PIK3C2G: variants seen among roughly 807,000 people sequenced by gnomAD.
The protein encoded by PIK3C2G is phosphatidylinositol-4-phosphate 3-kinase catalytic subunit type 2 gamma, also known as phosphatidylinositol 3-kinase C2 domain-containing subunit gamma.
PIK3C2G carries 168 observed loss-of-function variants against 181.1 expected under a neutral mutation model. That is an observed-to-expected ratio of 0.93 (90% CI 0.82 to 1.05). PIK3C2G has a LOEUF of 1.05. Among genes scored for constraint, PIK3C2G ranks in the 50% least tolerant of loss-of-function variants. The probability of loss-of-function intolerance (pLI) is 0.00; values close to 1 mark genes in which losing one functional copy is unlikely to be tolerated. For synonymous variants in PIK3C2G, 573 were observed against 592.2 expected (o/e 0.97, Z 0.47); for missense variants, 1,869 against 1,732.8 (o/e 1.08, Z -1.40).
the PIK3C2G span, among the ~76,000 whole-genome samples, chr12:18,684,943 C>T: frequency 6.6e-6 from 1 of 151,924 alleles, no homozygotes. Context: ...CCTGCTGCCA[C>T]ATGAAAAGGT....
the PIK3C2G span, among the ~76,000 whole-genome samples, chr12:18,676,432 C>A: frequency 6.6e-6 from 1 of 152,062 alleles, no homozygotes; most frequent in Non-Finnish European, 1.5e-5. Flanking sequence ...TACATTGACC[C>A]CTTGCTTCTT....
intron 1 of PIK3C2G, among the ~76,000 whole-genome samples, chr12:18,281,632 T>C (rs1949222453): frequency 6.6e-6 from 1 of 152,018 alleles, no homozygotes; most frequent in African/African-American, 2.4e-5. Context: ...GAAGAGACTG[T>C]TTAGCTAATA....
intron 18 of PIK3C2G, among the ~76,000 whole-genome samples, chr12:18,428,647 T>C (rs1218272581): frequency 1.3e-5 from 2 of 152,210 alleles, no homozygotes; most frequent in African/African-American, 2.4e-5. Flanking sequence ...CCATCTTGAC[T>C]ACTTGGCATC....
intron 18 of PIK3C2G, among the ~76,000 whole-genome samples, chr12:18,443,732 T>C (rs1178498672): frequency 2.0e-5 from 3 of 152,196 alleles, no homozygotes; most frequent in African/African-American, 7.2e-5. Context: ...TAAATCAAAA[T>C]GAGTAAATAC....
intron 30 of PIK3C2G, among the ~76,000 whole-genome samples, chr12:18,602,087 G>A (rs1337075464): frequency 6.6e-6 from 1 of 152,132 alleles, no homozygotes; most frequent in Admixed American, 6.5e-5. Context: ...TTCACAGGTA[G>A]GGGAAGAACT....
intron 16 of PIK3C2G, among the ~76,000 whole-genome samples, chr12:18,417,866 T>C (rs1161158553): frequency 2.6e-5 from 4 of 152,118 alleles, no homozygotes; most frequent in Non-Finnish European, 4.4e-5. Flanking sequence ...CTCTCTTTCA[T>C]TGCCTTCAGA....
At chr12:18,335,875 G>A (rs1183083387) in intron 8 of PIK3C2G, among the ~76,000 whole-genome samples, 2 of 152,030 alleles carry the variant, frequency 1.3e-5, no homozygotes, top group African/African-American at 4.8e-5. Flanking sequence ...TGCAAGACTG[G>A]AGTAATAGAT....
At chr12:18,693,584 T>A in the PIK3C2G span, 1 of 1,590,504 alleles carries the variant, frequency 6.3e-7, no homozygotes, top group Admixed American at 1.7e-5. Context: ...CGGACGGGAA[T>A]TGTTTCGAGT....
At chr12:18,418,014 A>T (rs535011220) in intron 16 of PIK3C2G, among the ~76,000 whole-genome samples, 2 of 152,360 alleles carry the variant, frequency 1.3e-5, no homozygotes, top group South Asian at 4.1e-4. Flanking sequence ...ACTTTATAGT[A>T]GTATTTTTGT....
At chr12:18,349,940 T>C (rs977272059) in intron 11 of PIK3C2G, among the ~76,000 whole-genome samples, 8 of 152,216 alleles carry the variant, frequency 5.3e-5, no homozygotes, top group Non-Finnish European at 1.2e-4. Flanking sequence ...AAATGTGTCA[T>C]ACTTGGTTTG....
chr12:18,332,301 T>C (rs1394778682), intron 8 of PIK3C2G, among the ~76,000 whole-genome samples: 1 of 152,082 alleles, frequency 6.6e-6, no homozygotes, highest in Admixed American at 6.6e-5. Flanking sequence ...GTTGTCACTC[T>C]CCCAGCGGTA....
intron 29 of PIK3C2G, among the ~76,000 whole-genome samples, chr12:18,568,113 A>G (rs1945732679): frequency 6.6e-6 from 1 of 152,184 alleles, no homozygotes; most frequent in African/African-American, 2.4e-5. Flanking sequence ...CCGTCTCAGG[A>G]TTCCTAATGT....
At chr12:18,432,378 C>G (rs1382448621) in intron 18 of PIK3C2G, among the ~76,000 whole-genome samples, 19 of 152,072 alleles carry the variant, frequency 1.2e-4, no homozygotes, top group Non-Finnish European at 1.5e-5. Flanking sequence ...CTTGGACCCA[C>G]CCAGGCCTTT....
At chr12:18,665,159 A>G in the PIK3C2G span, among the ~76,000 whole-genome samples, 1 of 150,572 alleles carries the variant, frequency 6.6e-6, no homozygotes, top group Non-Finnish European at 1.5e-5. Flanking sequence ...AAGCATAATA[A>G]TAATAAAAAA....
intron 28 of PIK3C2G, among the ~76,000 whole-genome samples, chr12:18,564,643 A>G (rs932863507): frequency 6.6e-6 from 1 of 152,066 alleles, no homozygotes; most frequent in African/African-American, 2.4e-5. Flanking sequence ...TACTCAAGAG[A>G]CTGAGAGGGA....
chr12:18,426,198 G>A (rs1945802542), intron 18 of PIK3C2G, among the ~76,000 whole-genome samples: 1 of 152,100 alleles, frequency 6.6e-6, no homozygotes, highest in South Asian at 2.1e-4. Context: ...TCTTTGCGAT[G>A]TCTCATGTGG....
chr12:18,622,661 A>G (rs1488911918), intron 31 of PIK3C2G, among the ~76,000 whole-genome samples: 2 of 151,870 alleles, frequency 1.3e-5, no homozygotes, highest in Non-Finnish European at 3.0e-5. Flanking sequence ...GTACTAATTT[A>G]CATTCCCACT....
chr12:18,513,741 A>G (rs969016828), intron 24 of PIK3C2G, among the ~76,000 whole-genome samples: 2 of 151,662 alleles, frequency 1.3e-5, no homozygotes, highest in African/African-American at 2.4e-5. Context: ...ACAGTTTATT[A>G]CAAAATGCAA....
At chr12:18,465,311 G>A (rs1937738064) in intron 18 of PIK3C2G, among the ~76,000 whole-genome samples, 1 of 151,818 alleles carries the variant, frequency 6.6e-6, no homozygotes. Context: ...TGTTATTGGT[G>A]TTAGGTATCA....
Sources: allele counts gnomAD v4.1 joint callset (sites outside exome capture counted in the v4.1 genomes callset), GRCh38; gene constraint gnomAD v4.1.1; transcripts MANE v1.5; gene names NCBI Gene and HGNC (gene_info 2026-07-23, HGNC 2026-07-21).